Variants in CSMD2 observed in about 807,000 individuals in gnomAD.
CSMD2 encodes the protein CUB and Sushi multiple domains 2, also known as CUB and sushi domain-containing protein 2.
In CSMD2, 130 loss-of-function variants were observed where a neutral mutation model predicts 398.5. That is an observed-to-expected ratio of 0.33 (90% CI 0.28 to 0.38). The LOEUF (loss-of-function observed/expected upper bound fraction) is 0.38. Among genes scored for constraint, CSMD2 ranks in the 10% least tolerant of loss-of-function variants. CSMD2 has a pLI of 1.00. For synonymous variants in CSMD2, 1,828 were observed against 1,908.5 expected (o/e 0.96, Z 1.10); for missense variants, 3,829 against 4,764.9 (o/e 0.80, Z 5.78).
chr1:34,124,637 G>T (rs1662553127), intron 1 of CSMD2, among the ~76,000 whole-genome samples: 2 of 152,172 alleles, frequency 1.3e-5, no homozygotes, highest in South Asian at 4.1e-4. Context: ...GAAGGGGTCT[G>T]TGCTCCCCCA....
chr1:34,122,085 C>A (rs1283472261), intron 1 of CSMD2, among the ~76,000 whole-genome samples: 1 of 150,682 alleles, frequency 6.6e-6, no homozygotes, highest in Non-Finnish European at 1.5e-5. Context: ...AGCAGAACAA[C>A]GGTTCTAAAT....
chr1:33,990,091 C>T (rs1385495687), intron 3 of CSMD2, among the ~76,000 whole-genome samples: 6 of 151,338 alleles, frequency 4.0e-5, no homozygotes, highest in African/African-American at 1.2e-4. Context: ...GCCAACATGG[C>T]GAAACCCCAT....
Position 33,543,031 on chromosome 1 carries a change from T to A in CSMD2, c.9101-135A>T. On this transcript the variant is annotated intron_variant, in intron 57 of 70. Coordinates refer to ENST00000373381, the MANE Select transcript of CSMD2 (RefSeq NM_001281956.2). ...AGAAATGCCTCTCATGCTGCTTTTG[T>A]ATCGAATTATCTTGCCCCTAGACAG... is the stretch of plus-strand genomic sequence containing the variant. 4.7e-6 allele frequency: 3 copies of A among 641,192 alleles called. No homozygotes were observed. In the South Asian group the frequency reaches 6.5e-5, roughly 14 times the overall value. 39.7% of individuals were successfully genotyped at this position (641,192 alleles called of 1,614,324 possible).
chr1:34,148,038 C>T (rs1344519840), intron 1 of CSMD2, among the ~76,000 whole-genome samples: 1 of 150,106 alleles, frequency 6.7e-6, no homozygotes, highest in Non-Finnish European at 1.5e-5. Context: ...AGGGCTGGAG[C>T]AAGAGTAAAG....
chr1:33,690,011 T>G (rs1645182850), intron 25 of CSMD2, among the ~76,000 whole-genome samples: 1 of 152,150 alleles, frequency 6.6e-6, no homozygotes, highest in African/African-American at 2.4e-5. Context: ...ACTGCCTGAC[T>G]TCTGGCCTCC....
At chr1:33,913,514 T>C (rs956436316) in intron 5 of CSMD2, among the ~76,000 whole-genome samples, 2 of 152,316 alleles carry the variant, frequency 1.3e-5, no homozygotes, top group South Asian at 2.1e-4. Flanking sequence ...ATTGTACTTA[T>C]GGTGAGCCAG....
chr1:34,044,760 C>G (rs1257874946), intron 2 of CSMD2, among the ~76,000 whole-genome samples: 1 of 152,146 alleles, frequency 6.6e-6, no homozygotes, highest in African/African-American at 2.4e-5. Context: ...GCAAATTGGG[C>G]CTTTATTGAA....
intron 5 of CSMD2, among the ~76,000 whole-genome samples, chr1:33,867,843 T>C (rs964417123): frequency 6.6e-6 from 1 of 152,130 alleles, no homozygotes; most frequent in African/African-American, 2.4e-5. Flanking sequence ...TGTACCACAC[T>C]CCTCTCTGGG....
intron 15 of CSMD2, among the ~76,000 whole-genome samples, chr1:33,734,325 T>C (rs1346062821): frequency 2.0e-5 from 3 of 152,182 alleles, no homozygotes; most frequent in South Asian, 2.1e-4. Flanking sequence ...ATTGCACTTG[T>C]GCATCATTTG....
At position 33,562,190 on chromosome 1, in the gene CSMD2, T is replaced by C. The variant is rs187290374; in HGVS notation, c.8381-2717A>G. Among the ~76,000 whole-genome samples, 17 of 148,626 alleles carry C rather than the reference T, an allele frequency of 1.1e-4. 1 individual carries two copies. The East Asian group carries it at 3.4e-3, about 29-fold the overall frequency. Reference sequence around the variant, plus strand: ...TCATCGGATTCATCAATAGGACCACTGGTGACTTGCAAGTGTCCCCTGCCT... The same window carrying C: ...TCATCGGATTCATCAATAGGACCACCGGTGACTTGCAAGTGTCCCCTGCCT... On this transcript the variant is annotated intron_variant, in intron 53 of 70. Transcript: ENST00000373381.
At chr1:33,696,720 C>T (rs980045141) in intron 24 of CSMD2, among the ~76,000 whole-genome samples, 17 of 152,042 alleles carry the variant, frequency 1.1e-4, no homozygotes, top group African/African-American at 4.1e-4. Flanking sequence ...CAACTAGATA[C>T]CTTACCTGGG....
At chr1:33,945,881 G>A (rs992149250) in intron 3 of CSMD2, among the ~76,000 whole-genome samples, 16 of 152,154 alleles carry the variant, frequency 1.1e-4, no homozygotes, top group African/African-American at 3.4e-4. Flanking sequence ...TGGAAAATAA[G>A]TGGTACCCTA....
At chr1:33,548,170 A>G (rs1181282299) in intron 56 of CSMD2, among the ~76,000 whole-genome samples, 1 of 152,034 alleles carries the variant, frequency 6.6e-6, no homozygotes, top group Non-Finnish European at 1.5e-5. Flanking sequence ...GAGTTGATCA[A>G]ACCTCTGTTG....
chr1:34,080,337 C>T (rs1656926290), intron 2 of CSMD2, among the ~76,000 whole-genome samples: 1 of 151,780 alleles, frequency 6.6e-6, no homozygotes, highest in Non-Finnish European at 1.5e-5. Flanking sequence ...CAATATATTG[C>T]CTATCCGCAA....
Position 33,577,234 on chromosome 1 carries a change from CA to C in CSMD2, c.7576+61del. 22 of 1,489,540 alleles carry C rather than the reference CA, an allele frequency of 1.5e-5. 1 individual carries two copies. In the South Asian group the frequency reaches 2.8e-4, roughly 19 times the overall value. 92.3% of individuals were successfully genotyped at this position (1,489,540 alleles called of 1,614,324 possible). Reference sequence around the variant, plus strand: ...CATTTGGAAGTGACTAGTCCTGGGACAAACCCAAGATATGAGTTGGATCCGA... The same window carrying C: ...CATTTGGAAGTGACTAGTCCTGGGACAACCCAAGATATGAGTTGGATCCGA... On this transcript the variant is annotated intron_variant, in intron 49 of 70. Coordinates refer to ENST00000373381, the MANE Select transcript of CSMD2 (RefSeq NM_001281956.2).
intron 32 of CSMD2, among the ~76,000 whole-genome samples, chr1:33,631,777 G>T (rs114717036): frequency 6.6e-6 from 1 of 152,048 alleles, no homozygotes; most frequent in South Asian, 2.1e-4. Flanking sequence ...CTAATTTAAC[G>T]TGTAAGTTTT....
chr1:33,882,378 G>T (rs1214718388), intron 5 of CSMD2: 2 of 152,192 alleles, frequency 1.3e-5, no homozygotes, highest in Non-Finnish European at 2.9e-5. Flanking sequence ...AGGACAGGCT[G>T]TCAATGGACA....
intron 21 of CSMD2, among the ~76,000 whole-genome samples, chr1:33,710,226 G>A (rs61300901): frequency 3.3e-4 from 50 of 152,240 alleles, no homozygotes; most frequent in African/African-American, 1.1e-3. Context: ...TAATTGGGGG[G>A]CCCCTCCCTG....
chr1:34,055,622 T>G (rs569958407), intron 2 of CSMD2, among the ~76,000 whole-genome samples: 125 of 152,288 alleles, frequency 8.2e-4, no homozygotes, highest in African/African-American at 3.0e-3. Context: ...GAACACCAGA[T>G]GAAGAGATGG....
Sources: gnomAD v4.1 joint callset for allele counts (sites outside exome capture counted in the v4.1 genomes callset) on GRCh38, gnomAD v4.1.1 for gene constraint, MANE v1.5 for transcripts, NCBI Gene and HGNC (gene_info 2026-07-23, HGNC 2026-07-21) for gene names.